The following ARHGAP25 variants were observed in gnomAD, a reference collection of about 807,000 sequenced individuals.
ARHGAP25 encodes rho GTPase-activating protein 25.
ARHGAP25 carries 34 observed loss-of-function variants against 71.0 expected under a neutral mutation model. That is an observed-to-expected ratio of 0.48 (90% CI 0.36 to 0.64). The LOEUF (loss-of-function observed/expected upper bound fraction) is 0.64, where lower values mean the gene tolerates loss of function less well. Ranked by LOEUF, ARHGAP25 falls within the 30% of genes least tolerant of loss-of-function variation. ARHGAP25 has a pLI of 0.00. For synonymous variants in ARHGAP25, 282 were observed against 296.5 expected (o/e 0.95, Z 0.50); for missense variants, 706 against 805.1 (o/e 0.88, Z 1.49).
At chr2:68,815,762 C>T (rs1417531487) in intron 6 of ARHGAP25, among the ~76,000 whole-genome samples, 3 of 151,760 alleles carry the variant, frequency 2.0e-5, no homozygotes, top group Admixed American at 1.3e-4. Flanking sequence ...CTGACATCCA[C>T]GGCCATCCAT....
Position 68,737,883 on chromosome 2 carries a change from G to A in ARHGAP25, c.61+2623G>A, listed in dbSNP as rs944360662. On this transcript the variant is annotated intron_variant, in intron 1 of 10. Coordinates refer to ENST00000409202, the MANE Select transcript of ARHGAP25 (RefSeq NM_001007231.3). The stretch of plus-strand genomic sequence containing the variant: ...CAGAATCTTGTGAGCTGGAGTGAAA[G>A]TGAAAGTCTCTGAGAGCGAGGGGAG... Among the ~76,000 whole-genome samples, 7 of 152,264 alleles carry A rather than the reference G, an allele frequency of 4.6e-5. No individual in the cohort carries two copies. In the South Asian group the frequency reaches 1.0e-3, roughly 23 times the overall value.
In ARHGAP25 at chr2:68,800,424, G is replaced by A. The variant is rs554135124; in HGVS notation, c.467-6849G>A. Among the ~76,000 whole-genome samples the A allele has an allele frequency of 3.3e-5, 5 of 152,250 alleles. No individual in the cohort carries two copies. The South Asian group carries it at 1.0e-3, about 32-fold the overall frequency. On this transcript the variant is annotated intron_variant, in intron 4 of 10. Transcript: ENST00000409202. ...GGTTAAGGGGTGGAGATGGATTGTG[G>A]GGAGAGCTAGGGCAGTTACTAGTGT... is the stretch of plus-strand genomic sequence containing the variant.
At chr2:68,807,084 A>G (rs953747856) in intron 4 of ARHGAP25, 189 bp from the exon 5 acceptor site, 2 of 607,508 alleles carry the variant, frequency 3.3e-6, no homozygotes, top group Non-Finnish European at 5.9e-6. Flanking sequence ...AAAGACTGAT[A>G]AAGACTGCCT....
intron 5 of ARHGAP25, among the ~76,000 whole-genome samples, chr2:68,810,043 A>G (rs976302361): frequency 1.3e-5 from 2 of 151,968 alleles, no homozygotes; most frequent in African/African-American, 4.8e-5. Context: ...GGCTGGCAGA[A>G]CCATCTGAGT....
intron 1 of ARHGAP25, among the ~76,000 whole-genome samples, chr2:68,737,349 T>C (rs775270107): frequency 9.2e-5 from 14 of 152,356 alleles, no homozygotes; most frequent in Non-Finnish European, 1.9e-4. Flanking sequence ...CTGGGAGTTA[T>C]GTCAGGAAAG....
intron 1 of ARHGAP25, among the ~76,000 whole-genome samples, chr2:68,766,614 G>C (rs1677135594): frequency 1.3e-5 from 2 of 152,132 alleles, no homozygotes; most frequent in African/African-American, 2.4e-5. Flanking sequence ...AAATTTGCTG[G>C]CGTGCAAAAA....
chr2:68,813,292 C>A lies in ARHGAP25; in HGVS notation c.680C>A (p.Thr227Lys). The A allele has an allele frequency of 6.2e-7, 1 of 1,607,998 alleles. No homozygotes were observed. The highest frequency in any genetic ancestry group is 8.5e-7 in the Non-Finnish European group (1 of 1,178,228). The change falls in exon 6 of 11, where the codon ACA becomes AAA. Residue 227 changes from threonine (T) to lysine (K), a missense_variant. Coordinates refer to ENST00000409202, the MANE Select transcript of ARHGAP25 (RefSeq NM_001007231.3). ...AGERPSFDRD[T>K]DVHTVASLLK... ...CGTTGCTTATTTTCTTCCAGAGACACAGATGTGCACACTGTGGCTTCCCTG... is the reference window on the plus strand; with the variant it reads ...CGTTGCTTATTTTCTTCCAGAGACAAAGATGTGCACACTGTGGCTTCCCTG...
chr2:68,742,336 A>C (rs1675563052), intron 1 of ARHGAP25, among the ~76,000 whole-genome samples: 1 of 152,334 alleles, frequency 6.6e-6, no homozygotes, highest in South Asian at 2.1e-4. Context: ...AAAGTTGACA[A>C]AAAGAATTTT....
intron 4 of ARHGAP25, among the ~76,000 whole-genome samples, chr2:68,788,314 G>A (rs1201545940): frequency 6.6e-6 from 1 of 152,198 alleles, no homozygotes; most frequent in Admixed American, 6.5e-5. Flanking sequence ...GCTGACCCCG[G>A]GTACCCAGCA....
chr2:68,750,697 C>T (rs887692184), intron 1 of ARHGAP25, among the ~76,000 whole-genome samples: 8 of 152,156 alleles, frequency 5.3e-5, no homozygotes, highest in African/African-American at 1.9e-4. Context: ...GGTTTGAGTG[C>T]CCTGAATTAG....
At chr2:68,816,824 T>C (rs1391513570) in intron 7 of ARHGAP25, 1 of 153,820 alleles carries the variant, frequency 6.5e-6, no homozygotes, top group African/African-American at 2.4e-5. Context: ...GGGATCTTCA[T>C]CCCAGACTGA....
chr2:68,789,440 G>C (rs912359484), intron 4 of ARHGAP25, among the ~76,000 whole-genome samples: 4 of 152,314 alleles, frequency 2.6e-5, no homozygotes, highest in African/African-American at 9.6e-5. Flanking sequence ...AGATACATTA[G>C]CTTCTCAAAG....
chr2:68,730,771 C>T (rs1238686993), upstream of ARHGAP25, among the ~76,000 whole-genome samples: 3 of 152,148 alleles, frequency 2.0e-5, no homozygotes, highest in Admixed American at 6.5e-5. Flanking sequence ...CTTTGGGGGC[C>T]ATACATCATT....
chr2:68,726,372 C>A (rs1674883344), intron 2 of ARHGAP25, among the ~76,000 whole-genome samples: 1 of 152,184 alleles, frequency 6.6e-6, no homozygotes, highest in Non-Finnish European at 1.5e-5. Flanking sequence ...TAATACAGAA[C>A]AATGGCCAAA....
intron 4 of ARHGAP25, among the ~76,000 whole-genome samples, chr2:68,796,874 G>A (rs1356093240): frequency 2.0e-5 from 3 of 152,202 alleles, no homozygotes; most frequent in Non-Finnish European, 4.4e-5. Flanking sequence ...GGTGGGGGCA[G>A]TGGGTATAAA....
chr2:68,784,946 A>C (rs1472899760), intron 3 of ARHGAP25, among the ~76,000 whole-genome samples: 2 of 152,236 alleles, frequency 1.3e-5, no homozygotes, highest in Non-Finnish European at 2.9e-5. Context: ...GTTATTAAGA[A>C]GGTGACCTTT....
intron 1 of ARHGAP25, 120 bp downstream of exon 1, chr2:68,735,380 T>C: frequency 9.4e-7 from 1 of 1,064,736 alleles, no homozygotes; most frequent in East Asian, 2.5e-5. Flanking sequence ...AATCTGAGTT[T>C]GAGGGACCAT....
chr2:68,757,031 T>C (rs1398504380), intron 1 of ARHGAP25, among the ~76,000 whole-genome samples: 1 of 151,388 alleles, frequency 6.6e-6, no homozygotes, highest in Non-Finnish European at 1.5e-5. Flanking sequence ...GAAATGAAAA[T>C]TTTAAAAGAG....
At chr2:68,782,972 G>C (rs1201292896) in intron 3 of ARHGAP25, among the ~76,000 whole-genome samples, 1 of 152,252 alleles carries the variant, frequency 6.6e-6, no homozygotes, top group African/African-American at 2.4e-5. Flanking sequence ...TCCAGGACTA[G>C]AGGCTAATCT....
Sources: gnomAD v4.1 joint callset for allele counts (sites outside exome capture counted in the v4.1 genomes callset) on GRCh38, gnomAD v4.1.1 for gene constraint, MANE v1.5 for transcripts, NCBI Gene and HGNC (gene_info 2026-07-23, HGNC 2026-07-21) for gene names.